Variants in PTPRD observed in about 807,000 individuals in gnomAD.
The protein encoded by PTPRD is receptor-type tyrosine-protein phosphatase delta.
PTPRD carries 34 observed loss-of-function variants against 214.5 expected under a neutral mutation model. The ratio of observed to expected loss-of-function variants is 0.16; its 90% CI spans 0.12 to 0.21. The LOEUF is 0.21. PTPRD is among the 10% of genes least tolerant of loss of function. The pLI is 1.00. For synonymous variants in PTPRD, 1,128 were observed against 845.7 expected (o/e 1.33, Z -5.79); for missense variants, 2,545 against 2,398.7 (o/e 1.06, Z -1.27).
intron 7 of PTPRD, among the ~76,000 whole-genome samples, chr9:9,609,776 C>G (rs2094417551): frequency 6.6e-6 from 1 of 152,126 alleles, no homozygotes; most frequent in South Asian, 2.1e-4. Flanking sequence ...TGTGAACTTT[C>G]ATAAGCTTGA....
At chr9:9,284,138 A>C (rs1948647632) in intron 9 of PTPRD, among the ~76,000 whole-genome samples, 1 of 151,662 alleles carries the variant, frequency 6.6e-6, no homozygotes, top group South Asian at 2.1e-4. Context: ...TACATACTTA[A>C]TTTAATTAAA....
chr9:9,352,828 T>A (rs73393048), intron 9 of PTPRD, among the ~76,000 whole-genome samples: 1 of 151,964 alleles, frequency 6.6e-6, no homozygotes, highest in Non-Finnish European at 1.5e-5. Context: ...AGGAAAGGAA[T>A]TGAGAAAAAG....
chr9:8,341,936 G>A lies in PTPRD; in HGVS notation c.4704C>T (p.Ala1568=), dbSNP rs2132523496. The A allele has an allele frequency of 6.2e-7, 1 of 1,612,664 alleles. No individual in the cohort carries two copies. The change falls in exon 40 of 46, where the codon GCC becomes GCT. Residue 1568 remains alanine (A), a synonymous_variant. Coordinates refer to ENST00000381196, the MANE Select transcript of PTPRD (RefSeq NM_002839.4). ...TTTCATGCTTTATTCTTTCTAACAT[G>A]GCATCTATGACGATGAAGCAACCAG... is the stretch of plus-strand genomic sequence containing the variant. ...GRTGCFIVID[A]MLERIKHEKT...
At chr9:8,395,540 G>A (rs2090897207) in intron 36 of PTPRD, among the ~76,000 whole-genome samples, 2 of 151,980 alleles carry the variant, frequency 1.3e-5, no homozygotes, top group African/African-American at 4.8e-5. Flanking sequence ...ACCAAATAAA[G>A]CAAACATTTA....
chr9:9,744,225 A>C (rs80353904), intron 6 of PTPRD, among the ~76,000 whole-genome samples: 9,661 of 152,192 alleles, frequency 0.063, 345 homozygotes, highest in Middle Eastern at 0.15. Flanking sequence ...AGATTCGTGC[A>C]ATTATCTACA....
At chr9:8,773,551 G>C (rs2095329710) in intron 11 of PTPRD, among the ~76,000 whole-genome samples, 1 of 152,132 alleles carries the variant, frequency 6.6e-6, no homozygotes, top group South Asian at 2.1e-4. Flanking sequence ...TCACACAGGA[G>C]AATAAATTGG....
intron 12 of PTPRD, among the ~76,000 whole-genome samples, chr9:8,704,524 C>T (rs1348631291): frequency 6.6e-6 from 1 of 152,092 alleles, no homozygotes; most frequent in Non-Finnish European, 1.5e-5. Context: ...TGAAAATGGA[C>T]TTAATGTCTC....
chr9:10,282,775 A>G (rs1435235335), intron 3 of PTPRD, among the ~76,000 whole-genome samples: 2 of 152,124 alleles, frequency 1.3e-5, no homozygotes, highest in African/African-American at 4.8e-5. Flanking sequence ...AGCTTCAAAG[A>G]CAGCCATAAA....
At chr9:9,849,968 T>C (rs1211493915) in intron 5 of PTPRD, among the ~76,000 whole-genome samples, 2 of 152,162 alleles carry the variant, frequency 1.3e-5, no homozygotes, top group Admixed American at 6.6e-5. Flanking sequence ...ATCAAGATAA[T>C]GTGAAAATAA....
intron 3 of PTPRD, among the ~76,000 whole-genome samples, chr9:10,198,737 T>G (rs925568100): frequency 3.3e-5 from 5 of 152,126 alleles, no homozygotes; most frequent in Non-Finnish European, 7.4e-5. Context: ...GCCTTTTTAG[T>G]TCTCCAAGAT....
intron 11 of PTPRD, among the ~76,000 whole-genome samples, chr9:8,844,204 G>A (rs1378618835): frequency 1.1e-4 from 16 of 152,050 alleles, no homozygotes; most frequent in Non-Finnish European, 2.9e-5. Context: ...TAGGCTTGTG[G>A]ATACAATCTT....
intron 10 of PTPRD, among the ~76,000 whole-genome samples, chr9:9,116,577 C>G (rs1306994149): frequency 6.6e-6 from 1 of 152,064 alleles, no homozygotes. Flanking sequence ...TACAATTCAT[C>G]CATGTAACCC....
chr9:9,917,159 A>G (rs1321500582), intron 5 of PTPRD, among the ~76,000 whole-genome samples: 1 of 151,362 alleles, frequency 6.6e-6, no homozygotes, highest in Non-Finnish European at 1.5e-5. Context: ...AGAAAAGAAC[A>G]AACTAAATCC....
intron 11 of PTPRD, among the ~76,000 whole-genome samples, chr9:8,771,745 G>A (rs2095229654): frequency 1.3e-5 from 2 of 151,574 alleles, no homozygotes; most frequent in African/African-American, 2.4e-5. Context: ...GTATACATAT[G>A]TTCAATTATA....
intron 11 of PTPRD, among the ~76,000 whole-genome samples, chr9:8,755,131 TG>T (rs1333202751): frequency 1.3e-5 from 2 of 151,698 alleles, no homozygotes; most frequent in Non-Finnish European, 2.9e-5. Flanking sequence ...AAAACTCCTT[TG>T]AAAAACTGTT....
chr9:9,009,694 T>C (rs1274579387), intron 11 of PTPRD, among the ~76,000 whole-genome samples: 1 of 152,116 alleles, frequency 6.6e-6, no homozygotes, highest in East Asian at 1.9e-4. Context: ...TATCTGTGGA[T>C]AAAACTGGAG....
chr9:9,814,030 C>A (rs1224416456), intron 5 of PTPRD, among the ~76,000 whole-genome samples: 1 of 152,012 alleles, frequency 6.6e-6, no homozygotes, highest in African/African-American at 2.4e-5. Context: ...ACTACACTAA[C>A]AGAATGAAGG....
intron 10 of PTPRD, among the ~76,000 whole-genome samples, chr9:9,032,167 TC>T (rs1453610462): frequency 6.6e-6 from 1 of 151,908 alleles, no homozygotes; most frequent in Admixed American, 6.6e-5. Flanking sequence ...AAAAGAGAGT[TC>T]CCAGCTGCTA....
intron 8 of PTPRD, among the ~76,000 whole-genome samples, chr9:9,450,132 GTGTGTGTGTA>G (rs1271554197): frequency 9.4e-4 from 143 of 151,524 alleles, no homozygotes; most frequent in African/African-American, 3.4e-3. Flanking sequence ...GTGTGTGTGT[GTGTGTGTGTA>G]TTACAGTTTC....
Sources: allele counts gnomAD v4.1 joint callset (sites outside exome capture counted in the v4.1 genomes callset), GRCh38; gene constraint gnomAD v4.1.1; transcripts MANE v1.5; gene names NCBI Gene and HGNC (gene_info 2026-07-23, HGNC 2026-07-21).